The following TLK1 variants were observed in gnomAD, a reference collection of about 807,000 sequenced individuals.
TLK1 encodes tousled like kinase 1, also known as serine/threonine-protein kinase tousled-like 1.
In TLK1, 24 loss-of-function variants were observed where a neutral mutation model predicts 105.3. That is an observed-to-expected ratio of 0.23 (90% confidence interval 0.17 to 0.32). The LOEUF is 0.32. TLK1 is among the 10% of genes least tolerant of loss of function. TLK1 has a pLI of 1.00. For missense variants in TLK1, 558 were observed against 910.5 expected, an observed-to-expected ratio of 0.61 and a Z score of 4.98; for synonymous variants, 321 against 310.4, an observed-to-expected ratio of 1.03 and a Z score of -0.36.
intron 2 of TLK1, among the ~76,000 whole-genome samples, chr2:171,083,118 T>A (rs762701916): frequency 6.6e-6 from 1 of 152,128 alleles, no homozygotes; most frequent in Non-Finnish European, 1.5e-5. Context: ...AAATCCCAGT[T>A]CAAAAGCAAA....
chr2:171,105,635 C>A (rs1011363925), intron 2 of TLK1, among the ~76,000 whole-genome samples: 4 of 152,054 alleles, frequency 2.6e-5, no homozygotes, highest in Admixed American at 6.6e-5. Context: ...GCAGTGAGCC[C>A]CGAGACTGCG....
intron 1 of TLK1, among the ~76,000 whole-genome samples, chr2:171,195,522 A>C (rs1025093776): frequency 1.4e-5 from 2 of 143,424 alleles, no homozygotes; most frequent in African/African-American, 2.7e-5. Context: ...AAAAAAAAAA[A>C]CATAATCCAC....
At chr2:171,206,105 G>A (rs1298446836) in intron 1 of TLK1, among the ~76,000 whole-genome samples, 1 of 152,102 alleles carries the variant, frequency 6.6e-6, no homozygotes, top group Non-Finnish European at 1.5e-5. Flanking sequence ...AACTGAAGAT[G>A]GGAAAAATGG....
intron 1 of TLK1, among the ~76,000 whole-genome samples, chr2:171,202,529 C>A (rs765010414): frequency 1.3e-5 from 2 of 151,942 alleles, no homozygotes; most frequent in African/African-American, 4.8e-5. Context: ...GAGGCTGAGG[C>A]GGGCAGAACA....
chr2:171,066,613 A>G (rs972398059), intron 3 of TLK1, among the ~76,000 whole-genome samples: 1 of 152,160 alleles, frequency 6.6e-6, no homozygotes, highest in African/African-American at 2.4e-5. Context: ...TCACATTGTG[A>G]CTTCTTAAAC....
At chr2:171,141,098 G>A (rs1337217818) in intron 1 of TLK1, among the ~76,000 whole-genome samples, 4 of 152,082 alleles carry the variant, frequency 2.6e-5, no homozygotes, top group African/African-American at 9.7e-5. Flanking sequence ...TACAAAAAAG[G>A]ATGTAAGAAA....
At chr2:171,182,964 AAAG>A (rs1191770855) in intron 1 of TLK1, among the ~76,000 whole-genome samples, 8 of 151,538 alleles carry the variant, frequency 5.3e-5, no homozygotes, top group Non-Finnish European at 8.8e-5. Context: ...AGAAAGAAAG[AAAG>A]AACATTATTG....
chr2:171,002,720 C>G lies in TLK1; in HGVS notation c.1904+3427G>C, dbSNP rs10930451. Among the ~76,000 whole-genome samples the G allele has an allele frequency of 3.4e-3, 523 of 152,306 alleles. 7 individuals carry two copies. Among genetic ancestry groups the G allele is most frequent in the African/African-American group, 0.012 (487 of 41,574 alleles). On this transcript the variant is annotated intron_variant, in intron 18 of 20. Coordinates refer to ENST00000431350, the MANE Select transcript of TLK1 (RefSeq NM_012290.5). ...CAATCTGGGCTTACTGCAATCTCCACATCCCAGGCTCAAGCGATGATCCTC... is the reference window on the plus strand; with the variant it reads ...CAATCTGGGCTTACTGCAATCTCCAGATCCCAGGCTCAAGCGATGATCCTC...
intron 2 of TLK1, among the ~76,000 whole-genome samples, chr2:171,084,642 G>A (rs1483575501): frequency 1.3e-5 from 2 of 151,884 alleles, no homozygotes; most frequent in Non-Finnish European, 2.9e-5. Context: ...AAAGGTATAA[G>A]AAAAAATAAA....
chr2:171,163,982 T>C (rs1692561662), upstream of TLK1, among the ~76,000 whole-genome samples: 1 of 152,224 alleles, frequency 6.6e-6, no homozygotes, highest in South Asian at 2.1e-4. Context: ...TGCCTTGGCC[T>C]CTTAAAGTGC....
intron 3 of TLK1, among the ~76,000 whole-genome samples, chr2:171,081,208 T>A (rs554934059): frequency 6.6e-6 from 1 of 152,226 alleles, no homozygotes; most frequent in Non-Finnish European, 1.5e-5. Context: ...AATTCTCTTA[T>A]AGACTAATTC....
intron 2 of TLK1, among the ~76,000 whole-genome samples, chr2:171,101,333 T>TG (rs1454210544): frequency 1.1e-5 from 1 of 90,000 alleles, no homozygotes; most frequent in East Asian, 2.6e-4. Context: ...ACAACAAGAG[T>TG]GAAACTCCGT....
chr2:171,115,197 G>A (rs1484795552), intron 2 of TLK1, among the ~76,000 whole-genome samples: 9 of 109,032 alleles, frequency 8.3e-5, no homozygotes, highest in African/African-American at 4.0e-4. Flanking sequence ...TTGAGACTGA[G>A]TTTCGCTCTT....
Position 171,044,215 on chromosome 2 carries a change from G to A in TLK1, c.1169+1959C>T, listed in dbSNP as rs533626246. 3.3e-5 allele frequency among the ~76,000 whole-genome samples: 5 copies of A among 152,194 alleles called. 1 individual carries two copies. The highest frequency in any genetic ancestry group is 1.2e-4 in the African/African-American group (5 of 41,528). ...GGCAAAGAGTACAGCTTGAGCCCAG[G>A]AGTTCAAGACAAGCCTGGACAACAT... is the stretch of plus-strand genomic sequence containing the variant. On this transcript the variant is annotated intron_variant, in intron 11 of 20. Transcript: ENST00000431350.
In TLK1 at chr2:171,043,637, T is replaced by C. The variant is rs1464666778; in HGVS notation, c.1169+2537A>G. ...AAGACAGCATTAACTTGAGTTAGAA[T>C]GAATGGTGTTAGCGGGAACTTGCAT... is the stretch of plus-strand genomic sequence containing the variant. On this transcript the variant is annotated intron_variant, in intron 11 of 20. Coordinates refer to ENST00000431350, the MANE Select transcript of TLK1 (RefSeq NM_012290.5). Among the ~76,000 whole-genome samples, 3 of 152,324 alleles carry C rather than the reference T, an allele frequency of 2.0e-5. No homozygotes were observed. In the East Asian group the frequency reaches 5.8e-4, roughly 29 times the overall value.
intron 2 of TLK1, among the ~76,000 whole-genome samples, chr2:171,107,628 G>A (rs1052104550): frequency 3.3e-5 from 5 of 152,176 alleles, no homozygotes; most frequent in African/African-American, 4.8e-5. Flanking sequence ...AAGGACGAGG[G>A]AAGCCAGAAA....
At chr2:170,995,772 A>G (rs1222811951) in intron 20 of TLK1, among the ~76,000 whole-genome samples, 2 of 152,082 alleles carry the variant, frequency 1.3e-5, no homozygotes, top group Non-Finnish European at 2.9e-5. Context: ...GTGCGATCTC[A>G]CCTCACTGCA....
chr2:171,223,778 C>A (rs1454651677), intron 1 of TLK1, among the ~76,000 whole-genome samples: 1 of 151,348 alleles, frequency 6.6e-6, no homozygotes, highest in Non-Finnish European at 1.5e-5. Flanking sequence ...CCACTCCCAG[C>A]AGTGCACATT....
chr2:171,033,114 G>A (rs1686126460), intron 11 of TLK1, among the ~76,000 whole-genome samples: 3 of 150,966 alleles, frequency 2.0e-5, no homozygotes, highest in African/African-American at 7.4e-5. Context: ...GTTGAGAAAG[G>A]AGAATCGCTT....
Sources: allele counts gnomAD v4.1 joint callset (sites outside exome capture counted in the v4.1 genomes callset), GRCh38; gene constraint gnomAD v4.1.1; transcripts MANE v1.5; gene names NCBI Gene and HGNC (gene_info 2026-07-23, HGNC 2026-07-21).